MACF1: variants seen among roughly 807,000 people sequenced by gnomAD.
MACF1 encodes microtubule-actin cross-linking factor 1.
In MACF1, 193 loss-of-function variants were observed where a neutral mutation model predicts 854.8. That is an observed-to-expected ratio of 0.23 (90% CI 0.20 to 0.25). The LOEUF is 0.25. MACF1 is among the 10% of genes least tolerant of loss of function. The pLI is 1.00. For missense variants in MACF1, 7,722 were observed against 8,929.1 expected (o/e 0.86, Z 5.45); for synonymous variants, 3,185 against 3,226.7 (o/e 0.99, Z 0.44).
rs531048828 is a variant in MACF1, at chr1:39,288,961, A to G, written c.1785+1399A>G. ...CTCTTCCCAGCCTGTTTTGATTTAT[A>G]CATCCCACAGCTAAGTGAGAACATG... On this transcript the variant is annotated intron_variant, in intron 15 of 100. Transcript: ENST00000564288. 2.6e-5 allele frequency among the ~76,000 whole-genome samples: 4 copies of G among 152,292 alleles called. No individual in the cohort carries two copies. In the East Asian group the frequency reaches 5.8e-4, roughly 22 times the overall value.
intron 86 of MACF1, 140 bp from the exon 87 acceptor site, chr1:39,452,544 A>C: frequency 3.3e-6 from 4 of 1,224,094 alleles, no homozygotes; most frequent in Non-Finnish European, 4.6e-6. Context: ...AAAGATCTAC[A>C]AATGAAAGAT....
chr1:39,316,551 A>C, intron 28 of MACF1, 22 bp downstream of exon 28: 1 of 1,606,146 alleles, frequency 6.2e-7, no homozygotes, highest in Non-Finnish European at 8.5e-7. Context: ...TGAGTTTCTT[A>C]GGAGGTTGAC....
At chr1:39,431,132 G>C (rs1332941339) in intron 66 of MACF1, among the ~76,000 whole-genome samples, 1 of 152,174 alleles carries the variant, frequency 6.6e-6, no homozygotes, top group Non-Finnish European at 1.5e-5. Flanking sequence ...GAAGTACTTG[G>C]AGAAGAGTCT....
Position 39,388,385 on chromosome 1 carries a change from A to T in MACF1, c.15543A>T (p.Ala5181=), listed in dbSNP as rs373592718. 3 of 1,614,084 alleles carry T rather than the reference A, an allele frequency of 1.9e-6. No individual in the cohort carries two copies. Among genetic ancestry groups the T allele is most frequent in the Non-Finnish European group, 2.5e-6 (3 of 1,180,032 alleles). Reference sequence around the variant, plus strand: ...AATTAGACATAGAGGCCTCTGAAGCAGAGTGTCGACATATGCTAGAAGAAG... The same window carrying T: ...AATTAGACATAGAGGCCTCTGAAGCTGAGTGTCGACATATGCTAGAAGAAG... The part of the protein sequence containing the change: ...VLKLDIEASE[A]ECRHMLEEEG... Residue 5181 remains alanine (A), a synonymous_variant, in exon 58 of 101, where the codon GCA becomes GCT. Coordinates refer to ENST00000564288, the MANE Select transcript of MACF1 (RefSeq NM_001394062.1).
At chr1:39,125,581 T>C (rs889042340) in intron 2 of MACF1, among the ~76,000 whole-genome samples, 1 of 152,222 alleles carries the variant, frequency 6.6e-6, no homozygotes, top group African/African-American at 2.4e-5. Flanking sequence ...CGCTTGGTCC[T>C]TATGTCCTTT....
At chr1:39,123,203 A>ATTTTTTTT (rs10585991) in intron 2 of MACF1, among the ~76,000 whole-genome samples, 2 of 111,916 alleles carry the variant, frequency 1.8e-5, no homozygotes, top group Non-Finnish European at 3.5e-5. Context: ...ATATATATAA[A>ATTTTTTTT]TTTTTTTTTT....
intron 38 of MACF1, among the ~76,000 whole-genome samples, chr1:39,339,630 T>C (rs3121891): frequency 0.87 from 132,217 of 152,214 alleles, 58,711 homozygotes; most frequent in Non-Finnish European, 0.96. Flanking sequence ...GGACACTACT[T>C]GAAGGAGATG....
At chr1:39,316,294 T>A in intron 27 of MACF1, 97 bp from the exon 28 acceptor site, 3 of 948,744 alleles carry the variant, frequency 3.2e-6, no homozygotes, top group Admixed American at 2.8e-5. Flanking sequence ...TGATTTTGGT[T>A]ATTATGTTTT....
chr1:39,411,737 C>G (rs1033335369), intron 58 of MACF1: 2 of 1,613,712 alleles, frequency 1.2e-6, no homozygotes, highest in Non-Finnish European at 1.7e-6. Flanking sequence ...AATCAAATCT[C>G]TTCTGAAGGG....
intron 58 of MACF1, among the ~76,000 whole-genome samples, chr1:39,408,312 G>T (rs1642794656): frequency 6.6e-6 from 1 of 152,228 alleles, no homozygotes; most frequent in African/African-American, 2.4e-5. Context: ...AAGGTAGAAT[G>T]TGCCTAGAGT....
rs773234964 is a variant in MACF1, at chr1:39,335,886, G to A, written c.9298G>A (p.Glu3100Lys). 1 of 1,614,082 alleles carries A rather than the reference G, an allele frequency of 6.2e-7. No individual in the cohort carries two copies. The highest frequency in any genetic ancestry group is 1.7e-5 in the Admixed American group (1 of 60,026). Residue 3100 changes from glutamate to lysine, a missense_variant, in exon 37 of 101, where the codon GAA becomes AAA. Glu to Lys is a moderately conservative substitution (Grantham distance 56). Around this residue, in one of 15 missense-constraint regions of MACF1, gnomAD observed 854 missense variants for 852.6 expected, o/e 1.00. Transcript: ENST00000564288. Reference sequence around the variant, plus strand: ...AGAAATTGCCTGTGGGGCCCAGAGTGAACCATTCCCTTGTATGACCCCAAG... The same window carrying A: ...AGAAATTGCCTGTGGGGCCCAGAGTAAACCATTCCCTTGTATGACCCCAAG... ...SREIACGAQS[E>K]PFPCMTPRPE...
intron 58 of MACF1, among the ~76,000 whole-genome samples, chr1:39,419,798 AGTGT>A (rs3080664): frequency 0.026 from 3,378 of 131,004 alleles, 78 homozygotes; most frequent in African/African-American, 0.067. Flanking sequence ...ATGCCTGGCT[AGTGT>A]GTGTGTGTGT....
chr1:39,226,472 C>T (rs1644717615), intron 1 of MACF1, among the ~76,000 whole-genome samples: 1 of 151,962 alleles, frequency 6.6e-6, no homozygotes, highest in African/African-American at 2.4e-5. Flanking sequence ...TTCCGAGTAG[C>T]TGGGATTACA....
intron 58 of MACF1, among the ~76,000 whole-genome samples, chr1:39,397,890 T>C (rs2148587780): frequency 6.6e-6 from 1 of 152,264 alleles, no homozygotes; most frequent in East Asian, 1.9e-4. Flanking sequence ...ACTGATGTAG[T>C]GGTAAATGCA....
At chr1:39,360,040 T>C in intron 47 of MACF1, among the ~76,000 whole-genome samples, 1 of 58,938 alleles carries the variant, frequency 1.7e-5, no homozygotes, top group African/African-American at 7.0e-5. Context: ...TATATATATA[T>C]ATATATATAT....
intron 58 of MACF1, chr1:39,412,338 TAATC>T (rs746949070): frequency 6.2e-6 from 10 of 1,614,050 alleles, no homozygotes; most frequent in African/African-American, 1.3e-5. Context: ...ATGTAACTGT[TAATC>T]AAGAAAATAA....
At chr1:39,397,150 T>C (rs1642305648) in intron 58 of MACF1, among the ~76,000 whole-genome samples, 4 of 152,184 alleles carry the variant, frequency 2.6e-5, no homozygotes, top group Admixed American at 2.6e-4. Flanking sequence ...TGGTGGGTAC[T>C]GGAGTCTCAG....
chr1:39,284,011 G>C, intron 9 of MACF1, 55 bp from the exon 10 acceptor site: 1 of 1,595,922 alleles, frequency 6.3e-7, no homozygotes, highest in Non-Finnish European at 8.5e-7. Context: ...ACTTTCTCTT[G>C]TGCTTGTTTT....
chr1:39,445,698 G>T (rs1177466433), intron 80 of MACF1, among the ~76,000 whole-genome samples: 1 of 152,192 alleles, frequency 6.6e-6, no homozygotes, highest in Non-Finnish European at 1.5e-5. Flanking sequence ...GGTGGCTCAC[G>T]CCTGTAATTC....
Sources: allele counts gnomAD v4.1 joint callset (sites outside exome capture counted in the v4.1 genomes callset), GRCh38; gene constraint gnomAD v4.1.1; regional missense constraint gnomAD v4.1.1; transcripts MANE v1.5; gene names NCBI Gene and HGNC (gene_info 2026-07-23, HGNC 2026-07-21).